The following ADAMTS12 variants were observed in gnomAD, a reference collection of about 807,000 sequenced individuals.
ADAMTS12 encodes A disintegrin and metalloproteinase with thrombospondin motifs 12.
Under a neutral mutation model 167.8 loss-of-function variants are expected in ADAMTS12, and 118 were observed. The observed-to-expected ratio is 0.70, with a 90% CI of 0.61 to 0.82. The LOEUF is 0.82. Among genes scored for constraint, ADAMTS12 ranks in the 40% least tolerant of loss-of-function variants. The pLI, the probability that ADAMTS12 is intolerant of heterozygous loss-of-function variation, is 0.00. For missense variants in ADAMTS12, 1,916 were observed against 1,998.8 expected (o/e 0.96, Z 0.79); for synonymous variants, 704 against 716.9 (o/e 0.98, Z 0.29).
rs1393883198 is a variant in ADAMTS12, at chr5:33,525,249, G to A, written c.*1939C>T. ...CCATTATTCACCAGAGATTGCTATC[G>A]GCCAGCAATGTTTATGTTTAAAGGC... On this transcript the variant is annotated 3_prime_UTR_variant, in exon 24 of 24. Coordinates refer to ENST00000504830, the MANE Select transcript of ADAMTS12 (RefSeq NM_030955.4). 2.0e-5 allele frequency: 3 copies of A among 152,108 alleles called. No individual in the cohort carries two copies. Among genetic ancestry groups the A allele is most frequent in the African/African-American group, 7.2e-5 (3 of 41,412 alleles). 9.4% of individuals were successfully genotyped at this position (152,108 alleles called of 1,614,324 possible). A position where few individuals can be genotyped will look rare whatever the true frequency, so the allele number is the denominator to read the frequency against.
At chr5:33,731,103 A>T (rs943409066) in intron 3 of ADAMTS12, among the ~76,000 whole-genome samples, 2 of 152,224 alleles carry the variant, frequency 1.3e-5, no homozygotes, top group African/African-American at 4.8e-5. Context: ...AATGTCATGC[A>T]TATAATAAAT....
intron 7 of ADAMTS12, among the ~76,000 whole-genome samples, chr5:33,654,888 G>GTGTC (rs892222217): frequency 6.6e-6 from 1 of 151,198 alleles, no homozygotes; most frequent in African/African-American, 2.4e-5. Flanking sequence ...GTGTGTGTGT[G>GTGTC]TGTGTGTGTG....
chr5:33,620,597 C>T (rs1480886466), intron 14 of ADAMTS12, among the ~76,000 whole-genome samples: 2 of 152,164 alleles, frequency 1.3e-5, no homozygotes, highest in Non-Finnish European at 1.5e-5. Flanking sequence ...GGTTTGTTTA[C>T]ACTTCTCTCA....
chr5:33,625,665 AT>A (rs1739553527), intron 13 of ADAMTS12, among the ~76,000 whole-genome samples: 1 of 152,208 alleles, frequency 6.6e-6, no homozygotes, highest in African/African-American at 2.4e-5. Context: ...GTAGTTTTAT[AT>A]TTCTAAAGTA....
intron 18 of ADAMTS12, among the ~76,000 whole-genome samples, chr5:33,588,359 T>TG (rs1268265105): frequency 6.6e-6 from 1 of 151,972 alleles, no homozygotes. Flanking sequence ...GTACTGGGAG[T>TG]GGGGGGTCTA....
At chr5:33,887,069 G>C (rs929249610) in intron 1 of ADAMTS12, among the ~76,000 whole-genome samples, 1 of 151,994 alleles carries the variant, frequency 6.6e-6, no homozygotes. Flanking sequence ...CCTCCTCTCC[G>C]CAAGCTAAGA....
At chr5:33,744,284 T>G (rs556529005) in intron 3 of ADAMTS12, among the ~76,000 whole-genome samples, 1 of 152,202 alleles carries the variant, frequency 6.6e-6, no homozygotes, top group African/African-American at 2.4e-5. Flanking sequence ...TAGAAGTCAC[T>G]CAGAAAAGCA....
At chr5:33,761,494 G>C (rs566981089) in intron 2 of ADAMTS12, among the ~76,000 whole-genome samples, 48 of 152,324 alleles carry the variant, frequency 3.2e-4, no homozygotes, top group Non-Finnish European at 6.0e-4. Flanking sequence ...ATTTCACCAA[G>C]AGTCACAGCA....
intron 2 of ADAMTS12, among the ~76,000 whole-genome samples, chr5:33,868,363 T>A (rs1018631835): frequency 2.0e-5 from 3 of 152,146 alleles, no homozygotes; most frequent in East Asian, 3.8e-4. Flanking sequence ...CTTGTTAAAT[T>A]GCTGTGACCA....
intron 2 of ADAMTS12, among the ~76,000 whole-genome samples, chr5:33,880,635 A>G (rs768337494): frequency 1.3e-5 from 2 of 152,278 alleles, no homozygotes; most frequent in Non-Finnish European, 2.9e-5. Flanking sequence ...ACAGAGGCAC[A>G]AAGGGATCAA....
intron 2 of ADAMTS12, among the ~76,000 whole-genome samples, chr5:33,844,449 A>G (rs906959316): frequency 6.6e-6 from 1 of 152,114 alleles, no homozygotes; most frequent in Non-Finnish European, 1.5e-5. Flanking sequence ...CCCTTTGGGT[A>G]TGGCCATCTT....
intron 9 of ADAMTS12, among the ~76,000 whole-genome samples, chr5:33,645,144 T>TTTA (rs145012036): frequency 0.066 from 9,671 of 145,872 alleles, 513 homozygotes; most frequent in African/African-American, 0.14. Flanking sequence ...AAATGCTTTA[T>TTTA]TTATTATTAT....
At chr5:33,872,409 T>C (rs919143455) in intron 2 of ADAMTS12, among the ~76,000 whole-genome samples, 6 of 151,832 alleles carry the variant, frequency 4.0e-5, no homozygotes, top group Non-Finnish European at 1.5e-5. Flanking sequence ...TAGCCGGGTA[T>C]GGTGGCACAC....
At chr5:33,765,785 C>T (rs1745510525) in intron 2 of ADAMTS12, among the ~76,000 whole-genome samples, 1 of 151,110 alleles carries the variant, frequency 6.6e-6, no homozygotes, top group Admixed American at 6.6e-5. Flanking sequence ...TTTTTACAAC[C>T]AAAAAAAAAG....
intron 3 of ADAMTS12, among the ~76,000 whole-genome samples, chr5:33,715,906 C>A (rs944310635): frequency 3.9e-5 from 6 of 152,098 alleles, no homozygotes; most frequent in Admixed American, 3.9e-4. Context: ...TCTCTCTAGG[C>A]TGGGGACTAT....
chr5:33,648,785 T>C (rs751203765), intron 9 of ADAMTS12, 37 bp downstream of exon 9: 4 of 1,611,710 alleles, frequency 2.5e-6, no homozygotes, highest in South Asian at 1.1e-5. Flanking sequence ...GCTGGAGATC[T>C]GAAGCCCTGC....
At chr5:33,705,037 C>A (rs11958410) in intron 3 of ADAMTS12, among the ~76,000 whole-genome samples, 2 of 151,492 alleles carry the variant, frequency 1.3e-5, no homozygotes, top group African/African-American at 2.4e-5. Flanking sequence ...TGTGGTTATT[C>A]CTTTTTATTC....
chr5:33,568,839 G>C (rs548155972), intron 19 of ADAMTS12, among the ~76,000 whole-genome samples: 1 of 152,202 alleles, frequency 6.6e-6, no homozygotes, highest in Admixed American at 6.5e-5. Context: ...CCCTTTCCTG[G>C]TCAAGGAAAG....
chr5:33,727,058 G>T (rs1744006881), intron 3 of ADAMTS12, among the ~76,000 whole-genome samples: 1 of 152,078 alleles, frequency 6.6e-6, no homozygotes, highest in African/African-American at 2.4e-5. Flanking sequence ...CTCTCACAAA[G>T]CTTCCTCTCT....
Sources: gnomAD v4.1 joint callset for allele counts (sites outside exome capture counted in the v4.1 genomes callset) on GRCh38, gnomAD v4.1.1 for gene constraint, MANE v1.5 for transcripts, NCBI Gene and HGNC (gene_info 2026-07-23, HGNC 2026-07-21) for gene names.